The following CD44 variants were observed in gnomAD, a reference collection of about 807,000 sequenced individuals.
The protein encoded by CD44 is CD44 molecule (IN blood group).
CD44 carries 49 observed loss-of-function variants against 88.8 expected under a neutral mutation model. That is an observed-to-expected ratio of 0.55 (90% CI 0.44 to 0.70). CD44 has a LOEUF of 0.70. Among genes scored for constraint, CD44 ranks in the 30% least tolerant of loss-of-function variants. The pLI is 0.00. For synonymous variants in CD44, 325 were observed against 312.3 expected, an observed-to-expected ratio of 1.04 and a Z score of -0.43; for missense variants, 883 against 913.8, an observed-to-expected ratio of 0.97 and a Z score of 0.43.
chr11:35,198,093 C>T (rs202081334), intron 6 of CD44, 28 bp from the exon 7 acceptor site: 2 of 1,606,110 alleles, frequency 1.2e-6, no homozygotes, highest in Non-Finnish European at 1.7e-6. Flanking sequence ...GCGTCCAGCT[C>T]AGCCACTAAT....
chr11:35,222,348 T>C (rs761859106), intron 17 of CD44: 134 of 1,145,388 alleles, frequency 1.2e-4, no homozygotes, highest in Non-Finnish European at 1.5e-4. Context: ...TGTAATGATA[T>C]CATTTTCTAT....
intron 5 of CD44, among the ~76,000 whole-genome samples, chr11:35,194,536 C>T (rs764196740): frequency 1.3e-5 from 2 of 152,186 alleles, no homozygotes; most frequent in African/African-American, 2.4e-5. Flanking sequence ...ACAACAGCAA[C>T]GACAGGTAAA....
At chr11:35,186,619 A>G (rs750848332) in intron 3 of CD44, among the ~76,000 whole-genome samples, 1 of 152,202 alleles carries the variant, frequency 6.6e-6, no homozygotes, top group Non-Finnish European at 1.5e-5. Context: ...ATTTCCGGAA[A>G]CTTCATAAGT....
At position 35,211,294 on chromosome 11, in the gene CD44, G is replaced by A; in HGVS notation, c.1655G>A (p.Gly552Asp). The change falls in exon 14 of 18, where the codon GGC (glycine) becomes GAC (aspartate). Residue 552 changes from glycine to aspartate, a missense_variant. Gly to Asp is a moderately conservative substitution (Grantham distance 94, BLOSUM62 -1). Coordinates refer to ENST00000428726, the MANE Select transcript of CD44 (RefSeq NM_000610.4). ...GGRRDPNHSE[G>D]STTLLEGYTS... ...AGAAGAGACCCAAATCATTCTGAAGGCTCAACTACTTTACTGGAAGGTTAT... is the reference window on the plus strand; with the variant it reads ...AGAAGAGACCCAAATCATTCTGAAGACTCAACTACTTTACTGGAAGGTTAT... 1 of 1,613,908 alleles carries A rather than the reference G, an allele frequency of 6.2e-7. No individual in the cohort carries two copies. Among genetic ancestry groups the A allele is most frequent in the Non-Finnish European group, 8.5e-7 (1 of 1,179,886 alleles).
chr11:35,229,032 C>A, intron 17 of CD44, 97 bp from the exon 18 acceptor site: 2 of 1,031,908 alleles, frequency 1.9e-6, no homozygotes, highest in Non-Finnish European at 2.9e-6. Flanking sequence ...CCATCATAAA[C>A]CATAGTGATC....
At chr11:35,189,167 A>G (rs1333437452) in intron 4 of CD44, among the ~76,000 whole-genome samples, 1 of 152,116 alleles carries the variant, frequency 6.6e-6, no homozygotes, top group African/African-American at 2.4e-5. Context: ...ACAGATGTTG[A>G]TCTTCATGTA....
chr11:35,192,981 T>C (rs1277229132), intron 5 of CD44, among the ~76,000 whole-genome samples: 1 of 152,146 alleles, frequency 6.6e-6, no homozygotes, highest in East Asian at 1.9e-4. Context: ...TTTCCTGTTG[T>C]ACTATTGGGT....
intron 3 of CD44, among the ~76,000 whole-genome samples, chr11:35,181,636 T>C (rs1197640634): frequency 1.4e-5 from 2 of 144,142 alleles, no homozygotes; most frequent in Admixed American, 1.5e-4. Flanking sequence ...TAAGACATTA[T>C]CAGCCTGAGA....
chr11:35,171,495 CATCTAGGA>C (rs1390072193), intron 1 of CD44, among the ~76,000 whole-genome samples: 16 of 152,186 alleles, frequency 1.1e-4, no homozygotes, highest in Non-Finnish European at 2.2e-4. Flanking sequence ...TAAGCCTTCA[CATCTAGGA>C]AGGCTAAAGG....
At chr11:35,211,583 G>T in intron 14 of CD44, 134 bp downstream of exon 14, 1 of 643,878 alleles carries the variant, frequency 1.6e-6, no homozygotes, top group Non-Finnish European at 2.7e-6. Context: ...TTCATTATTG[G>T]TTATCAATTC....
chr11:35,173,764 G>A (rs2133584732), intron 1 of CD44, among the ~76,000 whole-genome samples: 1 of 152,312 alleles, frequency 6.6e-6, no homozygotes, highest in South Asian at 2.1e-4. Flanking sequence ...GAAAGAGAAA[G>A]CAGTGGTTGC....
intron 1 of CD44, among the ~76,000 whole-genome samples, chr11:35,176,039 ATTTTTTTTTTTT>A (rs201610565): frequency 0.021 from 2,150 of 102,294 alleles, 65 homozygotes; most frequent in African/African-American, 0.071. Context: ...TAATTTTTGT[ATTTTTTTTTTTT>A]TTTTTTTTTG....
intron 1 of CD44, among the ~76,000 whole-genome samples, chr11:35,166,663 C>G (rs923887779): frequency 9.2e-5 from 14 of 152,246 alleles, no homozygotes; most frequent in African/African-American, 3.4e-4. Context: ...GCAGAGAAAT[C>G]AGGGGGTCCA....
At chr11:35,185,764 C>A (rs1945610349) in intron 3 of CD44, among the ~76,000 whole-genome samples, 1 of 152,170 alleles carries the variant, frequency 6.6e-6, no homozygotes, top group African/African-American at 2.4e-5. Flanking sequence ...AAGGCAAAAC[C>A]AGTTTAAAGC....
chr11:35,154,167 GCATTGGTT>G (rs1388669697), intron 1 of CD44, among the ~76,000 whole-genome samples: 1 of 152,218 alleles, frequency 6.6e-6, no homozygotes, highest in East Asian at 1.9e-4. Context: ...TGAGTGTCAA[GCATTGGTT>G]TAGAGACAAA....
At chr11:35,211,486 TA>T in intron 14 of CD44, 37 bp downstream of exon 14, 1 of 1,476,466 alleles carries the variant, frequency 6.8e-7, no homozygotes, top group Non-Finnish European at 9.5e-7. Context: ...GCTTTCTCTA[TA>T]TAGAGAAACA....
intron 3 of CD44, 69 bp from the exon 4 acceptor site, chr11:35,186,763 T>G: frequency 1.2e-6 from 1 of 863,464 alleles, no homozygotes. Flanking sequence ...TCTAACTGAC[T>G]AATAAAAATG....
At chr11:35,190,249 C>A (rs1022258827) in intron 5 of CD44, 184 bp downstream of exon 5, 1 of 603,622 alleles carries the variant, frequency 1.7e-6, no homozygotes, top group Admixed American at 2.9e-5. Flanking sequence ...ACTACTACTG[C>A]CTACCTTTTT....
intron 5 of CD44, among the ~76,000 whole-genome samples, chr11:35,190,927 G>A (rs1286039095): frequency 2.6e-5 from 4 of 152,140 alleles, no homozygotes; most frequent in Non-Finnish European, 4.4e-5. Context: ...TGCCCCTCGC[G>A]CTTCAGCTCC....
Sources: allele counts gnomAD v4.1 joint callset (sites outside exome capture counted in the v4.1 genomes callset), GRCh38; gene constraint gnomAD v4.1.1; transcripts MANE v1.5; gene names NCBI Gene and HGNC (gene_info 2026-07-23, HGNC 2026-07-21).